BASP1: variants seen among roughly 807,000 people sequenced by gnomAD.
BASP1 encodes the protein brain acid soluble protein 1.
In BASP1, 1 loss-of-function variant was observed where a neutral mutation model predicts 2.2. That is an observed-to-expected ratio of 0.46 (90% CI 0.16 to 2.17). BASP1 has a LOEUF of 2.17. Ranked by LOEUF, BASP1 falls within the 30% of genes most tolerant of loss-of-function variation. The probability of loss-of-function intolerance (pLI) is 0.27; values close to 1 mark genes in which losing one functional copy is unlikely to be tolerated. For missense variants in BASP1, 352 were observed against 327.2 expected, an observed-to-expected ratio of 1.08 and a Z score of -0.58; for synonymous variants, 187 against 154.2, an observed-to-expected ratio of 1.21 and a Z score of -1.58.
In BASP1 at chr5:17,246,850, T is replaced by C. The variant is rs772321472; in HGVS notation, c.-9-28358T>C. Reference sequence around the variant, plus strand: ...GTTCTGAACGCTTTGGCAGTGACCATTGAGAATCACCCTGCCTTCCATCAG... The same window carrying C: ...GTTCTGAACGCTTTGGCAGTGACCACTGAGAATCACCCTGCCTTCCATCAG... On this transcript the variant is annotated intron_variant, in intron 1 of 1. Transcript: ENST00000322611. Among the ~76,000 whole-genome samples the C allele has an allele frequency of 1.1e-4, 16 of 152,312 alleles. No individual in the cohort carries two copies. The East Asian group carries it at 2.9e-3, about 28-fold the overall frequency.
At chr5:17,252,808 A>G (rs1740129171) in intron 1 of BASP1, among the ~76,000 whole-genome samples, 1 of 152,240 alleles carries the variant, frequency 6.6e-6, no homozygotes, top group South Asian at 2.1e-4. Context: ...ATCTGATCAT[A>G]GGAACTGAGT....
chr5:17,267,817 C>CTTTTTTTTTTTTTTTTTTTTTT (rs748938177), intron 1 of BASP1, among the ~76,000 whole-genome samples: 2 of 33,432 alleles, frequency 6.0e-5, no homozygotes, highest in Non-Finnish European at 4.9e-5. Context: ...GCTCCCAGCC[C>CTTTTTTTTTTTTTTTTTTTTTT]TTTTTTTTTT....
chr5:17,263,008 G>A (rs1439116495), intron 1 of BASP1, among the ~76,000 whole-genome samples: 2 of 151,964 alleles, frequency 1.3e-5, no homozygotes, highest in African/African-American at 4.8e-5. Flanking sequence ...CACCACGCCC[G>A]GCTAATTTTT....
At chr5:17,224,451 A>G (rs1739452883) in intron 1 of BASP1, among the ~76,000 whole-genome samples, 2 of 127,538 alleles carry the variant, frequency 1.6e-5, no homozygotes, top group African/African-American at 3.0e-5. Context: ...TGGACTCTTC[A>G]GGGGGGGAAA....
At position 17,232,467 on chromosome 5, in the gene BASP1, T is replaced by TG. The variant is rs529277484; in HGVS notation, c.-10+14658dup. Among the ~76,000 whole-genome samples, 189 of 152,354 alleles carry TG rather than the reference T, an allele frequency of 1.2e-3. 1 individual carries two copies. Among genetic ancestry groups the TG allele is most frequent in the Non-Finnish European group, 2.1e-3 (143 of 68,024 alleles). The stretch of plus-strand genomic sequence containing the variant: ...AACGAATTTAGCTCTAATTCTGCGC[T>TG]GTGACTACTTACTCTGCATCGTGAG... On this transcript the variant is annotated intron_variant, in intron 1 of 1. Coordinates refer to ENST00000322611, the MANE Select transcript of BASP1 (RefSeq NM_006317.5).
chr5:17,238,782 T>C (rs1343627585), intron 1 of BASP1, among the ~76,000 whole-genome samples: 1 of 152,244 alleles, frequency 6.6e-6, no homozygotes, highest in African/African-American at 2.4e-5. Context: ...TGTATTTAAA[T>C]ATTGATATGA....
At chr5:17,273,058 G>A (rs1022695489) in intron 1 of BASP1, among the ~76,000 whole-genome samples, 1 of 152,142 alleles carries the variant, frequency 6.6e-6, no homozygotes, top group African/African-American at 2.4e-5. Flanking sequence ...GATCCTAAAG[G>A]CAGACCTGTT....
intron 1 of BASP1, among the ~76,000 whole-genome samples, chr5:17,223,699 T>C (rs1021289992): frequency 6.6e-6 from 1 of 152,232 alleles, no homozygotes; most frequent in African/African-American, 2.4e-5. Flanking sequence ...TGCTTTGATA[T>C]GTTGAGACCT....
chr5:17,220,188 G>A (rs1739369732), intron 1 of BASP1, among the ~76,000 whole-genome samples: 1 of 152,102 alleles, frequency 6.6e-6, no homozygotes, highest in South Asian at 2.1e-4. Flanking sequence ...CCTTTTTGAT[G>A]AGAACTTGAT....
Position 17,275,713 on chromosome 5 carries a change from G to A in BASP1, c.497G>A (p.Gly166Glu). 6.2e-7 allele frequency: 1 copy of A among 1,607,642 alleles called. No homozygotes were observed. Among genetic ancestry groups the A allele is most frequent in the Non-Finnish European group, 8.5e-7 (1 of 1,177,484 alleles). Residue 166 changes from glycine (G) to glutamate (E), a missense_variant, in exon 2 of 2, where the codon GGG becomes GAG. Physicochemically the swap from Gly to Glu is moderately conservative, Grantham distance 98 (BLOSUM62 -2). Coordinates refer to ENST00000322611, the MANE Select transcript of BASP1 (RefSeq NM_006317.5). The surrounding 1 kb of genome is among the most constrained non-coding windows in gnomAD (Gnocchi z 5.3). ...GCCGCCCAGGAGACCAAAAGTGACG[G>A]GGCCCCAGCTTCAGACTCAAAACCC... is the stretch of plus-strand genomic sequence containing the variant. ...APAAQETKSD[G>E]APASDSKPGS... is the part of the protein sequence containing the mutation.
intron 1 of BASP1, among the ~76,000 whole-genome samples, chr5:17,231,534 C>G (rs1156785028): frequency 2.0e-5 from 3 of 152,188 alleles, no homozygotes; most frequent in Non-Finnish European, 4.4e-5. Context: ...CCTACACACT[C>G]TCTCACCCAC....
intron 1 of BASP1, among the ~76,000 whole-genome samples, chr5:17,222,198 C>G (rs1014951493): frequency 6.6e-6 from 1 of 152,014 alleles, no homozygotes; most frequent in African/African-American, 2.4e-5. Context: ...TATCATGGTT[C>G]CTATTTTCTG....
At chr5:17,227,953 TG>T (rs1003164001) in intron 1 of BASP1, among the ~76,000 whole-genome samples, 11 of 152,226 alleles carry the variant, frequency 7.2e-5, no homozygotes, top group Non-Finnish European at 1.0e-4. Flanking sequence ...TTCAAATGTT[TG>T]GTTTTCAGGC....
rs561868354 is a variant in BASP1 at position 17,229,663 on chromosome 5, TCTC to T, written c.-10+11859_-10+11861del. Among the ~76,000 whole-genome samples the T allele has an allele frequency of 5.3e-5, 8 of 152,092 alleles. No individual in the cohort carries two copies. The South Asian group carries it at 1.2e-3, about 24-fold the overall frequency. On this transcript the variant is annotated intron_variant, in intron 1 of 1. Transcript: ENST00000322611. Reference sequence around the variant, plus strand: ...ACACAAGTTGGAGAGGCACCAATGCTCTCCTCCTGTGTCTACTCAGGCTGCCAT... The same window carrying T: ...ACACAAGTTGGAGAGGCACCAATGCTCTCCTGTGTCTACTCAGGCTGCCAT...
chr5:17,232,219 A>C (rs1380969493), intron 1 of BASP1, among the ~76,000 whole-genome samples: 1 of 152,224 alleles, frequency 6.6e-6, no homozygotes, highest in Non-Finnish European at 1.5e-5. Flanking sequence ...TTTCAGAAAC[A>C]CAACACGATG....
intron 1 of BASP1, among the ~76,000 whole-genome samples, chr5:17,241,481 C>T (rs1359253085): frequency 6.6e-6 from 1 of 152,130 alleles, no homozygotes; most frequent in East Asian, 1.9e-4. Flanking sequence ...GAAACTGTGG[C>T]ACAGAGAAAT....
chr5:17,235,231 T>C (rs2126495758), intron 1 of BASP1, among the ~76,000 whole-genome samples: 1 of 151,936 alleles, frequency 6.6e-6, no homozygotes, highest in East Asian at 1.9e-4. Context: ...ACAGGAAGAA[T>C]TGCTGTTGCT....
Position 17,275,927 on chromosome 5 carries a change from A to G in BASP1, c.*27A>G, listed in dbSNP as rs779122929. 1.6e-5 allele frequency: 24 copies of G among 1,499,198 alleles called. No homozygotes were observed. The Admixed American group carries it at 5.5e-4, about 34-fold the overall frequency. The allele number at this position is 1,499,198 out of a possible 1,614,324, so 92.9% of individuals were successfully genotyped here. A position where few individuals can be genotyped will look rare whatever the true frequency, so the allele number is the denominator to read the frequency against. ...AAGGACAGCCTATAGGAAAAACAAT[A>G]CCACTTAAAACAATCTCCTCTCTCT... is the stretch of plus-strand genomic sequence containing the variant. On this transcript the variant is annotated 3_prime_UTR_variant, in exon 2 of 2. Coordinates refer to ENST00000322611, the MANE Select transcript of BASP1 (RefSeq NM_006317.5). The surrounding 1 kb of genome is among the most constrained non-coding windows in gnomAD (Gnocchi z 5.3).
In BASP1 at chr5:17,275,619, C is replaced by G. The variant is rs1740631290; in HGVS notation, c.403C>G (p.Pro135Ala). ...AAAAPAESAA[P>A]AAGEEPSKEE... ...CGCGGCCCCGGCCGAGAGCGCGGCC[C>G]CTGCCGCCGGGGAGGAGCCCAGCAA... is the stretch of plus-strand genomic sequence containing the variant. The change falls in exon 2 of 2, where the codon CCT becomes GCT. Residue 135 changes from proline (P) to alanine (A), a missense_variant. Physicochemically the swap from Pro to Ala is conservative, Grantham distance 27. Transcript: ENST00000322611. The surrounding 1 kb of genome is among the most constrained non-coding windows in gnomAD (Gnocchi z 5.3). 1 of 1,477,094 alleles carries G rather than the reference C, an allele frequency of 6.8e-7. No individual in the cohort carries two copies. The highest frequency in any genetic ancestry group is 2.7e-5 in the East Asian group (1 of 37,168). 91.5% of individuals were successfully genotyped at this position (1,477,094 alleles called of 1,614,324 possible). A position where few individuals can be genotyped will look rare whatever the true frequency, so the allele number is the denominator to read the frequency against.
Sources: allele counts gnomAD v4.1 joint callset (sites outside exome capture counted in the v4.1 genomes callset), GRCh38; gene constraint gnomAD v4.1.1; non-coding constraint Gnocchi (gnomAD v3.1); transcripts MANE v1.5; gene names NCBI Gene and HGNC (gene_info 2026-07-23, HGNC 2026-07-21).